The following DAAM1 variants were observed in gnomAD, a reference collection of about 807,000 sequenced individuals.
The protein encoded by DAAM1 is disheveled-associated activator of morphogenesis 1.
DAAM1 carries 52 observed loss-of-function variants against 130.0 expected under a neutral mutation model. The observed-to-expected ratio is 0.40, with a 90% CI of 0.32 to 0.50. The LOEUF (loss-of-function observed/expected upper bound fraction) is 0.50, where lower values mean the gene tolerates loss of function less well. DAAM1 is among the 20% of genes least tolerant of loss of function. The pLI is 0.61. For missense variants in DAAM1, 1,134 were observed against 1,303.8 expected, an observed-to-expected ratio of 0.87 and a Z score of 2.01; for synonymous variants, 452 against 444.5, an observed-to-expected ratio of 1.02 and a Z score of -0.21.
chr14:59,217,070 C>T (rs952054634), intron 1 of DAAM1, among the ~76,000 whole-genome samples: 3 of 151,942 alleles, frequency 2.0e-5, no homozygotes, highest in African/African-American at 7.3e-5. Flanking sequence ...TGTGTTTGAC[C>T]TGGTCTTGGG....
At chr14:59,221,017 A>G (rs1195280284) in intron 1 of DAAM1, among the ~76,000 whole-genome samples, 1 of 152,224 alleles carries the variant, frequency 6.6e-6, no homozygotes, top group East Asian at 1.9e-4. Context: ...GTCAAATTAC[A>G]CAAGTCTACC....
At chr14:59,230,836 T>A (rs1889082852) in intron 1 of DAAM1, among the ~76,000 whole-genome samples, 1 of 152,172 alleles carries the variant, frequency 6.6e-6, no homozygotes, top group African/African-American at 2.4e-5. Context: ...TCAAAACATC[T>A]AATGCACCTC....
At chr14:59,220,765 G>A (rs1888744617) in intron 1 of DAAM1, among the ~76,000 whole-genome samples, 1 of 152,136 alleles carries the variant, frequency 6.6e-6, no homozygotes, top group South Asian at 2.1e-4. Context: ...CTAAGAACTA[G>A]GGGATCTCCA....
At chr14:59,216,318 C>T (rs911889541) in intron 1 of DAAM1, among the ~76,000 whole-genome samples, 1 of 152,128 alleles carries the variant, frequency 6.6e-6, no homozygotes, top group African/African-American at 2.4e-5. Flanking sequence ...ATTAAAATGA[C>T]TTTGAGTGTG....
intron 4 of DAAM1, among the ~76,000 whole-genome samples, chr14:59,317,915 C>A (rs1286291042): frequency 1.3e-5 from 2 of 152,194 alleles, no homozygotes; most frequent in African/African-American, 4.8e-5. Flanking sequence ...GCAAGCCTGA[C>A]TTTTCTGAGA....
At chr14:59,361,706 G>A (rs1057341943) in intron 22 of DAAM1, among the ~76,000 whole-genome samples, 15 of 152,194 alleles carry the variant, frequency 9.9e-5, no homozygotes, top group Non-Finnish European at 1.3e-4. Context: ...AGCTGCCAGC[G>A]AGAGAGGGGG....
At chr14:59,240,263 G>A (rs1349407366) in intron 1 of DAAM1, among the ~76,000 whole-genome samples, 1 of 152,064 alleles carries the variant, frequency 6.6e-6, no homozygotes, top group Non-Finnish European at 1.5e-5. Flanking sequence ...TTTCTTTATT[G>A]TAAAACTATG....
At chr14:59,201,666 A>C (rs1888109553) in intron 1 of DAAM1, among the ~76,000 whole-genome samples, 1 of 152,036 alleles carries the variant, frequency 6.6e-6, no homozygotes, top group Non-Finnish European at 1.5e-5. Flanking sequence ...GCATAGTGGT[A>C]CACATCTGTA....
chr14:59,227,481 A>G (rs1888976360), intron 1 of DAAM1, among the ~76,000 whole-genome samples: 2 of 152,218 alleles, frequency 1.3e-5, no homozygotes, highest in South Asian at 4.1e-4. Context: ...GCCAGGTACT[A>G]GAAGTATGAT....
intron 2 of DAAM1, among the ~76,000 whole-genome samples, chr14:59,276,385 T>C (rs775262674): frequency 2.9e-4 from 44 of 152,222 alleles, no homozygotes; most frequent in Non-Finnish European, 5.6e-4. Flanking sequence ...CATGTGTCTT[T>C]AGGTCACAGC....
intron 4 of DAAM1, among the ~76,000 whole-genome samples, chr14:59,316,961 T>C (rs1201880182): frequency 6.6e-6 from 1 of 152,240 alleles, no homozygotes; most frequent in Non-Finnish European, 1.5e-5. Flanking sequence ...ATCCCTGCCT[T>C]GTCTGAAGTA....
intron 1 of DAAM1, among the ~76,000 whole-genome samples, chr14:59,232,766 T>C (rs1363807124): frequency 6.6e-6 from 1 of 152,038 alleles, no homozygotes; most frequent in Non-Finnish European, 1.5e-5. Flanking sequence ...CATGCACTAG[T>C]GTTTGTCCAA....
At chr14:59,344,113 T>G (rs563160599) in intron 16 of DAAM1, among the ~76,000 whole-genome samples, 3 of 152,208 alleles carry the variant, frequency 2.0e-5, no homozygotes, top group Non-Finnish European at 4.4e-5. Context: ...TGAACCCACC[T>G]GAAACACAGT....
intron 16 of DAAM1, 47 bp downstream of exon 16, chr14:59,340,227 A>T (rs753334332): frequency 5.5e-5 from 86 of 1,567,006 alleles, no homozygotes; most frequent in Non-Finnish European, 7.3e-5. Context: ...CAACATTTCC[A>T]TTCTGTGGCT....
chr14:59,199,334 G>A (rs373227245), intron 1 of DAAM1, among the ~76,000 whole-genome samples: 2 of 152,116 alleles, frequency 1.3e-5, no homozygotes, highest in African/African-American at 4.8e-5. Flanking sequence ...CTGGCCTCAA[G>A]CAATCCTCCC....
chr14:59,332,206 TG>T (rs1206815518), intron 15 of DAAM1, among the ~76,000 whole-genome samples: 1 of 152,226 alleles, frequency 6.6e-6, no homozygotes, highest in Admixed American at 6.5e-5. Flanking sequence ...TTAGTCAAAA[TG>T]GTTCACCAGG....
chr14:59,291,309 A>G lies in DAAM1; in HGVS notation c.273+3A>G, dbSNP rs758194566. The G allele has an allele frequency of 2.5e-5, 40 of 1,597,184 alleles. No individual in the cohort carries two copies. The highest frequency in any genetic ancestry group is 3.4e-5 in the Non-Finnish European group (40 of 1,172,262). ...AAATATACTGTAGCAAGAAAAAGGT[A>G]AGATTTTCATTGTGATTATGGTTAA... is the stretch of plus-strand genomic sequence containing the variant. On this transcript the variant is annotated splice_donor_region_variant and intron_variant, in intron 3 of 24. Transcript: ENST00000360909.
At chr14:59,342,297 C>CT (rs1268371876) in intron 16 of DAAM1, among the ~76,000 whole-genome samples, 1 of 152,180 alleles carries the variant, frequency 6.6e-6, no homozygotes, top group Non-Finnish European at 1.5e-5. Context: ...TGATAAGGAT[C>CT]TGAAGCCCTC....
At chr14:59,195,983 A>C (rs1488930374) in intron 1 of DAAM1, among the ~76,000 whole-genome samples, 1 of 152,150 alleles carries the variant, frequency 6.6e-6, no homozygotes, top group Non-Finnish European at 1.5e-5. Context: ...AAAAGGTGCC[A>C]TATTTTAAAG....
Sources: allele counts gnomAD v4.1 joint callset (sites outside exome capture counted in the v4.1 genomes callset), GRCh38; gene constraint gnomAD v4.1.1; transcripts MANE v1.5; gene names NCBI Gene and HGNC (gene_info 2026-07-23, HGNC 2026-07-21).